Variants in DNAI3 observed in about 807,000 individuals in gnomAD.
DNAI3 encodes WD repeat domain 63.
In DNAI3, 83 loss-of-function variants were observed where a neutral mutation model predicts 115.5. The observed-to-expected ratio is 0.72, with a 90% CI of 0.60 to 0.86. The LOEUF (loss-of-function observed/expected upper bound fraction) is 0.86. DNAI3 is among the 40% of genes least tolerant of loss of function. The probability of loss-of-function intolerance (pLI) is 0.00; values close to 1 mark genes in which losing one functional copy is unlikely to be tolerated. For missense variants in DNAI3, 1,004 were observed against 1,075.8 expected (o/e 0.93, Z 0.93); for synonymous variants, 320 against 347.0 (o/e 0.92, Z 0.86).
At chr1:85,103,574 G>T (rs535272562) in intron 13 of DNAI3, among the ~76,000 whole-genome samples, 1 of 152,086 alleles carries the variant, frequency 6.6e-6, no homozygotes, top group Non-Finnish European at 1.5e-5. Flanking sequence ...TATATCATCC[G>T]TATATTATAA....
intron 10 of DNAI3, 41 bp from the exon 11 acceptor site, chr1:85,095,890 T>G (rs757600939): frequency 6.4e-7 from 1 of 1,556,708 alleles, no homozygotes; most frequent in Non-Finnish European, 8.9e-7. Flanking sequence ...GATCTTAATC[T>G]CTTTTCTCAT....
intron 3 of DNAI3, among the ~76,000 whole-genome samples, chr1:85,078,874 C>T (rs1384977940): frequency 6.6e-6 from 1 of 152,108 alleles, no homozygotes; most frequent in Non-Finnish European, 1.5e-5. Context: ...ATTAGAGTTG[C>T]CTTGAAAAAG....
chr1:85,096,358 AT>A (rs1655124505), intron 11 of DNAI3, among the ~76,000 whole-genome samples: 1 of 151,972 alleles, frequency 6.6e-6, no homozygotes, highest in African/African-American at 2.4e-5. Context: ...CTCTTCTGAA[AT>A]TTCCTTGGGA....
chr1:85,130,266 T>G, intron 22 of DNAI3, 154 bp downstream of exon 22: 2 of 1,092,632 alleles, frequency 1.8e-6, no homozygotes, highest in Non-Finnish European at 2.6e-6. Context: ...TTTGATTTCC[T>G]AGCTCACTGC....
At chr1:85,094,159 A>C in intron 9 of DNAI3, 1 of 470,122 alleles carries the variant, frequency 2.1e-6, no homozygotes, top group Non-Finnish European at 3.8e-6. Flanking sequence ...AAAAGAAACA[A>C]AACAAGATTT....
chr1:85,081,352 T>C lies in DNAI3; in HGVS notation c.222T>C (p.Ile74=). 6.2e-7 allele frequency: 1 copy of C among 1,602,484 alleles called. No homozygotes were observed. The highest frequency in any genetic ancestry group is 1.1e-5 in the South Asian group (1 of 88,910). ...QPYKLINKED[I]FEDLRNRAAV... The stretch of plus-strand genomic sequence containing the variant: ...ATAAGCTTATCAATAAAGAAGACAT[T>C]TTTGAGGACCTGCGCAACAGAGCTG... Residue 74 remains isoleucine (I), a synonymous_variant, in exon 4 of 23, where the codon ATT becomes ATC. Transcript: ENST00000294664.
intron 13 of DNAI3, among the ~76,000 whole-genome samples, chr1:85,101,727 CAAAAAAAAAAAA>C (rs72166976): frequency 9.0e-4 from 13 of 14,446 alleles, no homozygotes; most frequent in Non-Finnish European, 3.3e-4. Context: ...GACTCCATCT[CAAAAAAAAAAAA>C]AAAAAAAAAA....
chr1:85,102,717 C>T (rs1164708586), intron 13 of DNAI3, among the ~76,000 whole-genome samples: 1 of 152,084 alleles, frequency 6.6e-6, no homozygotes, highest in East Asian at 1.9e-4. Flanking sequence ...TTAGAGAATT[C>T]ATACTAAGAA....
At chr1:85,093,822 C>A in intron 9 of DNAI3, 174 bp downstream of exon 9, 1 of 759,044 alleles carries the variant, frequency 1.3e-6, no homozygotes, top group Non-Finnish European at 2.3e-6. Flanking sequence ...GTCCTCCCAA[C>A]AACCCTGTAG....
At chr1:85,076,029 G>A (rs1654440248) in intron 3 of DNAI3, among the ~76,000 whole-genome samples, 1 of 152,184 alleles carries the variant, frequency 6.6e-6, no homozygotes, top group South Asian at 2.1e-4. Flanking sequence ...TGTCAGCAGG[G>A]CTGATTATCG....
At chr1:85,114,792 A>T (rs1233773047) in intron 16 of DNAI3, among the ~76,000 whole-genome samples, 1 of 152,158 alleles carries the variant, frequency 6.6e-6, no homozygotes, top group Non-Finnish European at 1.5e-5. Context: ...AGTCCTCGCT[A>T]TCCCACCATT....
chr1:85,065,627 T>C (rs1408241643), intron 1 of DNAI3, among the ~76,000 whole-genome samples: 1 of 152,152 alleles, frequency 6.6e-6, no homozygotes, highest in African/African-American at 2.4e-5. Context: ...CTGTATAGTC[T>C]TTTGTGATAG....
intron 1 of DNAI3, among the ~76,000 whole-genome samples, chr1:85,067,016 A>T (rs919132524): frequency 6.6e-5 from 10 of 152,168 alleles, no homozygotes; most frequent in Admixed American, 1.3e-4. Context: ...TGTTGGTAGG[A>T]TTTTCATTAT....
chr1:85,065,004 G>A (rs1654052352), intron 1 of DNAI3, among the ~76,000 whole-genome samples: 1 of 152,134 alleles, frequency 6.6e-6, no homozygotes, highest in South Asian at 2.1e-4. Flanking sequence ...TTGCACTCCA[G>A]CCTGGGTGAC....
intron 18 of DNAI3, among the ~76,000 whole-genome samples, chr1:85,122,767 G>C (rs1209345770): frequency 1.3e-5 from 2 of 152,188 alleles, no homozygotes; most frequent in Non-Finnish European, 2.9e-5. Flanking sequence ...ATAAAATTCA[G>C]AAAACATTAG....
At chr1:85,090,338 A>T in intron 8 of DNAI3, 106 bp downstream of exon 8, 1 of 550,630 alleles carries the variant, frequency 1.8e-6, no homozygotes, top group East Asian at 3.4e-5. Context: ...CTAGATAAAA[A>T]GTATGAAGAC....
chr1:85,118,382 T>C (rs1209311078), intron 17 of DNAI3, among the ~76,000 whole-genome samples: 2 of 152,274 alleles, frequency 1.3e-5, no homozygotes, highest in African/African-American at 4.8e-5. Flanking sequence ...TTCCAAATTA[T>C]ATCCCATTTA....
In DNAI3 at chr1:85,132,967, C is replaced by G; in HGVS notation, c.2645C>G (p.Thr882Arg). Residue 882 changes from threonine to arginine, a missense_variant, in exon 23 of 23, where the codon ACA (threonine) becomes AGA (arginine). By Grantham distance (71) the Thr-to-Arg change is moderately conservative. Coordinates refer to ENST00000294664, the MANE Select transcript of DNAI3 (RefSeq NM_145172.5). ...VLINLGLIKV[T>R]EKGSYMEVM ...ATCAACCTTGGCCTAATCAAAGTCA[C>G]AGAGAAGGGGTCATACATGGAGGTG... is the stretch of plus-strand genomic sequence containing the variant. The G allele has an allele frequency of 6.2e-7, 1 of 1,613,692 alleles. No individual in the cohort carries two copies. The highest frequency in any genetic ancestry group is 8.5e-7 in the Non-Finnish European group (1 of 1,179,886).
intron 3 of DNAI3, among the ~76,000 whole-genome samples, chr1:85,078,482 CT>C (rs1368310525): frequency 6.6e-6 from 1 of 152,234 alleles, no homozygotes; most frequent in Non-Finnish European, 1.5e-5. Context: ...GCCTCCTCCT[CT>C]GCACCAACAC....
Sources: allele counts gnomAD v4.1 joint callset (sites outside exome capture counted in the v4.1 genomes callset), GRCh38; gene constraint gnomAD v4.1.1; transcripts MANE v1.5; gene names NCBI Gene and HGNC (gene_info 2026-07-23, HGNC 2026-07-21).